Variants in PROCR observed in about 807,000 individuals in gnomAD.
PROCR encodes the protein protein C receptor.
A neutral mutation model predicts 24.2 loss-of-function variants in PROCR; 22 were observed. That is an observed-to-expected ratio of 0.91 (90% CI 0.65 to 1.30). The LOEUF (loss-of-function observed/expected upper bound fraction) is 1.30. PROCR is among the 50% of genes most tolerant of loss of function. The pLI, the probability that PROCR is intolerant of heterozygous loss-of-function variation, is 0.00. For synonymous variants in PROCR, 137 were observed against 139.2 expected (o/e 0.98, Z 0.11); for missense variants, 288 against 307.7 (o/e 0.94, Z 0.48).
At chr20:35,171,977 G>A, upstream of PROCR, 1 of 673,306 alleles carries the variant, frequency 1.5e-6, no homozygotes, top group Non-Finnish European at 2.7e-6. Flanking sequence ...ATGAGACACA[G>A]TAGAAATAAC....
chr20:35,176,140 T>TC (rs34748472), intron 2 of PROCR, 28 bp from the exon 3 acceptor site: 1 of 1,605,204 alleles, frequency 6.2e-7, no homozygotes, highest in Non-Finnish European at 8.5e-7. Flanking sequence ...CTCTGCACAG[T>TC]CCCCTGACCC....
chr20:35,215,106 A>G (rs558709634), intron 1 of PROCR, among the ~76,000 whole-genome samples: 1 of 151,902 alleles, frequency 6.6e-6, no homozygotes, highest in African/African-American at 2.4e-5. Context: ...ACGGGGTTTC[A>G]CCCATGTTGG....
intron 1 of PROCR, among the ~76,000 whole-genome samples, chr20:35,173,423 C>CTTTTTTTTTT (rs58785250): frequency 4.0e-4 from 35 of 88,146 alleles, no homozygotes; most frequent in Middle Eastern, 9.8e-3. Flanking sequence ...TTTCTTTTTT[C>CTTTTTTTTTT]TTTTTTTTTT....
intron 1 of PROCR, among the ~76,000 whole-genome samples, chr20:35,210,735 G>A (rs1310793808): frequency 6.8e-6 from 1 of 147,738 alleles, no homozygotes; most frequent in East Asian, 2.0e-4. Context: ...TTTTCTCTGA[G>A]ATGGAGTCTC....
At chr20:35,191,532 A>C (rs530315335) in intron 1 of PROCR, among the ~76,000 whole-genome samples, 1 of 152,318 alleles carries the variant, frequency 6.6e-6, no homozygotes, top group Admixed American at 6.5e-5. Flanking sequence ...CGAAGGGAGA[A>C]TAACTGAGTT....
chr20:35,205,442 C>T (rs77261161), intron 1 of PROCR, among the ~76,000 whole-genome samples: 171 of 137,840 alleles, frequency 1.2e-3, no homozygotes, highest in Middle Eastern at 3.8e-3. Flanking sequence ...AAGGAAACTT[C>T]GTTAATCCAA....
At chr20:35,178,254 A>C (rs2086041062), downstream of PROCR, among the ~76,000 whole-genome samples, 1 of 151,414 alleles carries the variant, frequency 6.6e-6, no homozygotes, top group African/African-American at 2.4e-5. Flanking sequence ...AAATACAAAA[A>C]TTAGCTAAGT....
In PROCR at chr20:35,195,191, T is replaced by C. The variant is rs2086205214; in HGVS notation, c.94+18745T>C. 2 of 152,174 alleles carry C rather than the reference T, an allele frequency of 1.3e-5. 1 individual carries two copies. The highest frequency in any genetic ancestry group is 4.1e-4 in the South Asian group (2 of 4,834). The allele number at this position is 152,174 out of a possible 1,614,324, so 9.4% of individuals were successfully genotyped here. On this transcript the variant is annotated intron_variant, in intron 1 of 1. Transcript: ENST00000634509. ...GAAGTAAAAATATTTGCTGCAGAGC[T>C]CATTAGTAGAATGGAGATAACAGAT...
intron 1 of PROCR, among the ~76,000 whole-genome samples, chr20:35,191,230 C>G (rs929896033): frequency 2.0e-5 from 3 of 152,160 alleles, no homozygotes; most frequent in African/African-American, 7.2e-5. Context: ...GTTCAGTAAC[C>G]TGCTATTGTT....
chr20:35,215,180 G>A (rs55665526), intron 1 of PROCR, among the ~76,000 whole-genome samples: 5,035 of 152,228 alleles, frequency 0.033, 95 homozygotes, highest in Non-Finnish European at 0.045. Flanking sequence ...AAAGGTGCTG[G>A]GATTACGGGC....
rs138746677 is a variant in PROCR at position 35,192,184 on chromosome 20, A to G, written c.94+15738A>G. ...CAACCACTGTTTAGAAAACCGCAGT[A>G]TCTACTAAAGTTGAACATCTGCCTC... On this transcript the variant is annotated intron_variant, in intron 1 of 1. Coordinates refer to the PROCR transcript ENST00000634509. 1.7e-3 allele frequency among the ~76,000 whole-genome samples: 254 copies of G among 152,392 alleles called. 1 individual carries two copies. The highest frequency in any genetic ancestry group is 5.9e-3 in the African/African-American group (246 of 41,600).
Position 35,174,946 on chromosome 20 carries a change from C to T in PROCR, c.315C>T (p.Thr105=). The change falls in exon 2 of 4, where the codon ACC becomes ACT. Residue 105 remains threonine, a synonymous_variant. Transcript: ENST00000216968. Reference sequence around the variant, plus strand: ...TGCGCCTGGTGCACCAGGAGCGGACCTTGGCCTGTGAGTAGGCGCGCAGCG... The same window carrying T: ...TGCGCCTGGTGCACCAGGAGCGGACTTTGGCCTGTGAGTAGGCGCGCAGCG... ...GLVRLVHQER[T]LAFPLTIRCF... is the part of the protein sequence containing the mutation. 2 of 1,336,110 alleles carry T rather than the reference C, an allele frequency of 1.5e-6. No homozygotes were observed. Among genetic ancestry groups the T allele is most frequent in the Non-Finnish European group, 2.0e-6 (2 of 1,013,860 alleles). The allele number at this position is 1,336,110 out of a possible 1,614,324, so 82.8% of individuals were successfully genotyped here.
At chr20:35,203,673 A>C (rs1326936771) in intron 1 of PROCR, among the ~76,000 whole-genome samples, 1 of 152,132 alleles carries the variant, frequency 6.6e-6, no homozygotes, top group Non-Finnish European at 1.5e-5. Context: ...GAAATTGTTA[A>C]TATACTTCTA....
chr20:35,175,159 C>T (rs972432006), intron 2 of PROCR, among the ~76,000 whole-genome samples: 4 of 151,924 alleles, frequency 2.6e-5, no homozygotes, highest in Non-Finnish European at 4.4e-5. Flanking sequence ...AGCCCCGACT[C>T]GGGCGGTCGT....
intron 1 of PROCR, among the ~76,000 whole-genome samples, chr20:35,209,616 A>G (rs1437431993): frequency 6.6e-6 from 1 of 152,234 alleles, no homozygotes; most frequent in Non-Finnish European, 1.5e-5. Flanking sequence ...AGATGGAGCT[A>G]GCAAAAACTT....
intron 1 of PROCR, among the ~76,000 whole-genome samples, chr20:35,185,120 A>G (rs947784749): frequency 6.6e-6 from 1 of 152,230 alleles, no homozygotes; most frequent in African/African-American, 2.4e-5. Flanking sequence ...CAAATAGCCA[A>G]CAAACATGAA....
intron 1 of PROCR, among the ~76,000 whole-genome samples, chr20:35,204,159 A>G (rs1171680959): frequency 6.6e-6 from 1 of 152,210 alleles, no homozygotes; most frequent in Non-Finnish European, 1.5e-5. Flanking sequence ...CTCTATGCTC[A>G]TAAGTTTGAC....
intron 1 of PROCR, among the ~76,000 whole-genome samples, chr20:35,203,546 G>A (rs908244446): frequency 6.6e-6 from 1 of 151,976 alleles, no homozygotes; most frequent in East Asian, 1.9e-4. Context: ...GAATCCAGGA[G>A]GTGGAGGTTG....
intron 1 of PROCR, among the ~76,000 whole-genome samples, chr20:35,206,585 T>A (rs935690688): frequency 1.3e-5 from 2 of 151,326 alleles, no homozygotes; most frequent in African/African-American, 2.4e-5. Flanking sequence ...GATACATGGA[T>A]GGCAAATAAA....
Sources: gnomAD v4.1 joint callset for allele counts (sites outside exome capture counted in the v4.1 genomes callset) on GRCh38, gnomAD v4.1.1 for gene constraint, MANE v1.5 for transcripts, NCBI Gene and HGNC (gene_info 2026-07-23, HGNC 2026-07-21) for gene names.